WDR70: variants seen among roughly 807,000 people sequenced by gnomAD.
The protein encoded by WDR70 is WD repeat domain 70, also known as WD repeat-containing protein 70.
In WDR70, 53 loss-of-function variants were observed where a neutral mutation model predicts 88.6. The observed-to-expected ratio is 0.60, with a 90% CI of 0.48 to 0.75. The LOEUF is 0.75. Among genes scored for constraint, WDR70 ranks in the 30% least tolerant of loss-of-function variants. The pLI is 0.00. For missense variants in WDR70, 610 were observed against 823.2 expected, an observed-to-expected ratio of 0.74 and a Z score of 3.17; for synonymous variants, 280 against 270.0, an observed-to-expected ratio of 1.04 and a Z score of -0.36.
chr5:37,750,991 C>G (rs941339697), intron 17 of WDR70, among the ~76,000 whole-genome samples: 3 of 152,172 alleles, frequency 2.0e-5, no homozygotes, highest in South Asian at 4.1e-4. Context: ...TTTCTTAGTA[C>G]TTAAATCTCA....
intron 9 of WDR70, among the ~76,000 whole-genome samples, chr5:37,517,853 AT>A (rs996327094): frequency 7.5e-5 from 11 of 145,724 alleles, no homozygotes; most frequent in African/African-American, 2.0e-4. Context: ...TTATTATATT[AT>A]TTTTTATTAT....
Position 37,431,996 on chromosome 5 carries a change from T to G in WDR70, c.493-5926T>G, listed in dbSNP as rs555588688. 5.9e-5 allele frequency among the ~76,000 whole-genome samples: 9 copies of G among 152,350 alleles called. No homozygotes were observed. In the East Asian group the frequency reaches 1.5e-3, roughly 26 times the overall value. Reference sequence around the variant, plus strand: ...GTTGCTTTTCACCTCTTGGTTGTTGTGAATACTACTGTGAACGTGGATGTA... The same window carrying G: ...GTTGCTTTTCACCTCTTGGTTGTTGGGAATACTACTGTGAACGTGGATGTA... On this transcript the variant is annotated intron_variant, in intron 5 of 17. Transcript: ENST00000265107.
intron 10 of WDR70, among the ~76,000 whole-genome samples, chr5:37,619,319 G>A (rs1744438438): frequency 1.3e-5 from 2 of 151,316 alleles, no homozygotes; most frequent in East Asian, 3.9e-4. Flanking sequence ...AGCACAATTA[G>A]TCCTCTGTGG....
chr5:37,531,158 C>G (rs1239357825), intron 9 of WDR70, among the ~76,000 whole-genome samples: 1 of 151,958 alleles, frequency 6.6e-6, no homozygotes, highest in South Asian at 2.1e-4. Flanking sequence ...TGAGAGAGTA[C>G]TCGATATAAT....
chr5:37,508,451 A>C (rs1319501729), intron 8 of WDR70, among the ~76,000 whole-genome samples: 1 of 152,236 alleles, frequency 6.6e-6, no homozygotes, highest in Non-Finnish European at 1.5e-5. Context: ...TAGCAGCCCT[A>C]GCTGACTGAG....
At chr5:37,614,798 C>T (rs908930010) in intron 10 of WDR70, among the ~76,000 whole-genome samples, 6 of 152,008 alleles carry the variant, frequency 3.9e-5, no homozygotes, top group Admixed American at 2.6e-4. Flanking sequence ...TAATGGTAGA[C>T]GTGGGTCACT....
chr5:37,517,523 A>G (rs1187021404), intron 9 of WDR70, among the ~76,000 whole-genome samples: 1 of 152,018 alleles, frequency 6.6e-6, no homozygotes, highest in East Asian at 1.9e-4. Flanking sequence ...ATGCATCACC[A>G]CACCAGGCTA....
chr5:37,520,825 A>C (rs941398841), intron 9 of WDR70, among the ~76,000 whole-genome samples: 5 of 152,240 alleles, frequency 3.3e-5, no homozygotes, highest in Admixed American at 6.5e-5. Flanking sequence ...TATTGCATTA[A>C]ATATTGGAGT....
At chr5:37,718,318 C>G (rs1747711188) in intron 13 of WDR70, among the ~76,000 whole-genome samples, 1 of 152,156 alleles carries the variant, frequency 6.6e-6, no homozygotes, top group Admixed American at 6.5e-5. Context: ...TAACAGTAAC[C>G]TGCTGCCCCT....
intron 7 of WDR70, among the ~76,000 whole-genome samples, chr5:37,469,273 A>ATAGTAGGGTGGCAGTAGGATCTACCCG (rs1739255813): frequency 1.3e-5 from 2 of 152,146 alleles, no homozygotes; most frequent in Admixed American, 1.3e-4. Context: ...GATCTACCCG[A>ATAGTAGGGTGGCAGTAGGATCTACCCG]AAAGCATCCT....
intron 13 of WDR70, among the ~76,000 whole-genome samples, chr5:37,708,122 A>G (rs1747411834): frequency 6.7e-6 from 1 of 150,038 alleles, no homozygotes; most frequent in South Asian, 2.1e-4. Flanking sequence ...ATAGTAAAGA[A>G]CAAGGATTAT....
chr5:37,399,075 G>A (rs946813754), intron 5 of WDR70, among the ~76,000 whole-genome samples: 4 of 152,138 alleles, frequency 2.6e-5, no homozygotes, highest in Non-Finnish European at 4.4e-5. Flanking sequence ...TCAGGAGGTC[G>A]AGACCATCCT....
chr5:37,383,917 G>A (rs1410059547), intron 3 of WDR70, among the ~76,000 whole-genome samples: 2 of 152,126 alleles, frequency 1.3e-5, no homozygotes, highest in Admixed American at 1.3e-4. Flanking sequence ...TTCAAACACG[G>A]AAGTATAGTC....
chr5:37,551,778 T>G (rs1307269100), intron 9 of WDR70, among the ~76,000 whole-genome samples: 4 of 143,494 alleles, frequency 2.8e-5, no homozygotes, highest in Admixed American at 2.8e-4. Flanking sequence ...GTTTTTTTTT[T>G]TTTTTTTTTT....
chr5:37,602,388 C>T (rs1227940940), intron 9 of WDR70, among the ~76,000 whole-genome samples: 6 of 151,582 alleles, frequency 4.0e-5, no homozygotes, highest in East Asian at 2.0e-4. Context: ...GCAGGCAGAT[C>T]GCTTGAGGCC....
intron 5 of WDR70, among the ~76,000 whole-genome samples, chr5:37,416,115 C>T (rs1476113697): frequency 6.6e-6 from 1 of 151,988 alleles, no homozygotes; most frequent in South Asian, 2.1e-4. Context: ...GGGTGGCGGC[C>T]GGGCAGAGGC....
At chr5:37,663,692 G>A (rs1204184030) in intron 10 of WDR70, among the ~76,000 whole-genome samples, 1 of 152,178 alleles carries the variant, frequency 6.6e-6, no homozygotes, top group South Asian at 2.1e-4. Flanking sequence ...ACTTCTGGTA[G>A]ACTTTGTGCC....
At chr5:37,599,397 A>G (rs1343110191) in intron 9 of WDR70, among the ~76,000 whole-genome samples, 4 of 152,224 alleles carry the variant, frequency 2.6e-5, no homozygotes, top group Non-Finnish European at 2.9e-5. Context: ...TACTCAGAAT[A>G]TTCATTCAAT....
chr5:37,612,688 G>A (rs984676487), intron 10 of WDR70, among the ~76,000 whole-genome samples: 2 of 152,240 alleles, frequency 1.3e-5, no homozygotes, highest in Admixed American at 6.5e-5. Context: ...ATTTCTAGGC[G>A]ACTAAAGGTT....
Sources: allele counts gnomAD v4.1 joint callset (sites outside exome capture counted in the v4.1 genomes callset), GRCh38; gene constraint gnomAD v4.1.1; transcripts MANE v1.5; gene names NCBI Gene and HGNC (gene_info 2026-07-23, HGNC 2026-07-21).